The following GMPS variants were observed in gnomAD, a reference collection of about 807,000 sequenced individuals.
GMPS encodes guanosine monophosphate synthase, also known as GMP synthase [glutamine-hydrolyzing].
A neutral mutation model predicts 77.9 loss-of-function variants in GMPS; 15 were observed. That is an observed-to-expected ratio of 0.19 (90% CI 0.13 to 0.30). The LOEUF (loss-of-function observed/expected upper bound fraction) is 0.30, where lower values mean the gene tolerates loss of function less well. Among genes scored for constraint, GMPS ranks in the 10% least tolerant of loss-of-function variants. GMPS has a pLI of 1.00. For missense variants in GMPS, 590 were observed against 838.8 expected (o/e 0.70, Z 3.66); for synonymous variants, 224 against 275.9 (o/e 0.81, Z 1.86).
intron 1 of GMPS, among the ~76,000 whole-genome samples, chr3:155,883,470 A>T (rs1754256650): frequency 6.6e-6 from 1 of 152,226 alleles, no homozygotes; most frequent in African/African-American, 2.4e-5. Context: ...TCACAAATTC[A>T]GTATATTTAG....
chr3:155,924,131 G>A (rs1246557492), intron 11 of GMPS, among the ~76,000 whole-genome samples: 3 of 152,098 alleles, frequency 2.0e-5, no homozygotes, highest in Non-Finnish European at 2.9e-5. Context: ...CACCCGCCTC[G>A]GCCTCCCAAA....
chr3:155,884,788 G>T (rs904491147), intron 1 of GMPS, among the ~76,000 whole-genome samples: 1 of 152,226 alleles, frequency 6.6e-6, no homozygotes, highest in African/African-American at 2.4e-5. Flanking sequence ...TAGGGTATGT[G>T]TATGGGGTTC....
intron 4 of GMPS, among the ~76,000 whole-genome samples, chr3:155,904,894 C>CT (rs1754833100): frequency 1.3e-5 from 2 of 152,118 alleles, no homozygotes; most frequent in African/African-American, 4.8e-5. Flanking sequence ...TATACTATTC[C>CT]TAAACAACAA....
intron 7 of GMPS, 120 bp from the exon 8 acceptor site, chr3:155,914,299 G>C: frequency 1.6e-6 from 1 of 644,848 alleles, no homozygotes; most frequent in Non-Finnish European, 2.4e-6. Flanking sequence ...ATTTAGGGGA[G>C]ATCAAAGGAC....
chr3:155,901,258 T>C (rs191234138), intron 3 of GMPS, among the ~76,000 whole-genome samples: 6 of 152,312 alleles, frequency 3.9e-5, no homozygotes, highest in Admixed American at 2.0e-4. Flanking sequence ...TTTTGCCGAT[T>C]GACCTATATA....
intron 1 of GMPS, among the ~76,000 whole-genome samples, chr3:155,873,737 C>G (rs148637526): frequency 6.6e-6 from 1 of 150,450 alleles, no homozygotes; most frequent in African/African-American, 2.5e-5. Flanking sequence ...TAGGTTCACG[C>G]AGTTCTCCTG....
intron 1 of GMPS, among the ~76,000 whole-genome samples, chr3:155,886,370 T>C (rs1022421735): frequency 6.6e-6 from 1 of 150,538 alleles, no homozygotes; most frequent in Non-Finnish European, 1.5e-5. Context: ...GGTCAGGTGT[T>C]TGAGACCAGC....
At chr3:155,894,518 C>G (rs963753343) in intron 2 of GMPS, among the ~76,000 whole-genome samples, 1 of 152,214 alleles carries the variant, frequency 6.6e-6, no homozygotes, top group East Asian at 1.9e-4. Flanking sequence ...GCCACCGTGC[C>G]CGGCCAGTGT....
At chr3:155,912,430 T>C (rs1755066369) in intron 7 of GMPS, among the ~76,000 whole-genome samples, 1 of 152,136 alleles carries the variant, frequency 6.6e-6, no homozygotes. Flanking sequence ...TGGTGATAGG[T>C]TTTTGTGAAA....
chr3:155,916,234 A>G (rs1755177003), intron 9 of GMPS, 42 bp downstream of exon 9: 2 of 1,257,882 alleles, frequency 1.6e-6, no homozygotes, highest in Non-Finnish European at 2.3e-6. Context: ...AGATACATGG[A>G]AAGTCTTCCA....
chr3:155,885,212 G>A (rs1754308998), intron 1 of GMPS, among the ~76,000 whole-genome samples: 1 of 152,202 alleles, frequency 6.6e-6, no homozygotes. Flanking sequence ...ACATATGTCA[G>A]TAGAGACTTG....
At chr3:155,912,314 A>G (rs1216532042) in intron 7 of GMPS, among the ~76,000 whole-genome samples, 1 of 152,224 alleles carries the variant, frequency 6.6e-6, no homozygotes, top group Non-Finnish European at 1.5e-5. Context: ...TGGTTTCAAT[A>G]AAGTGTTGGA....
chr3:155,935,547 G>A (rs942949519), intron 14 of GMPS, among the ~76,000 whole-genome samples: 3 of 152,154 alleles, frequency 2.0e-5, no homozygotes, highest in African/African-American at 7.2e-5. Flanking sequence ...GTGGCCATTT[G>A]TGGACATGCA....
At chr3:155,891,975 A>G (rs1754482041) in intron 1 of GMPS, among the ~76,000 whole-genome samples, 1 of 152,108 alleles carries the variant, frequency 6.6e-6, no homozygotes, top group South Asian at 2.1e-4. Context: ...TTTTGCAGAT[A>G]AATGGAGAAG....
chr3:155,875,188 G>T (rs1288793434), intron 1 of GMPS, among the ~76,000 whole-genome samples: 2 of 151,530 alleles, frequency 1.3e-5, no homozygotes, highest in East Asian at 1.9e-4. Flanking sequence ...AAAGTCGTGG[G>T]ATTACAAGTG....
At chr3:155,902,002 A>C (rs1754747651) in intron 3 of GMPS, among the ~76,000 whole-genome samples, 1 of 152,156 alleles carries the variant, frequency 6.6e-6, no homozygotes. Flanking sequence ...CTCCCTTCCC[A>C]ATCTAAAACT....
intron 10 of GMPS, among the ~76,000 whole-genome samples, chr3:155,920,574 T>TAAA (rs145651357): frequency 9.1e-6 from 1 of 109,738 alleles, no homozygotes; most frequent in Non-Finnish European, 1.8e-5. Flanking sequence ...GACTCCATCT[T>TAAA]AAAAAAAAAA....
chr3:155,906,540 T>A (rs2108095214), intron 5 of GMPS, among the ~76,000 whole-genome samples: 1 of 152,328 alleles, frequency 6.6e-6, no homozygotes, highest in South Asian at 2.1e-4. Context: ...CATAAAACAC[T>A]ATACTTTTGT....
chr3:155,934,258 C>CA (rs1368187945), intron 13 of GMPS, among the ~76,000 whole-genome samples: 1 of 152,126 alleles, frequency 6.6e-6, no homozygotes, highest in African/African-American at 2.4e-5. Flanking sequence ...AACAAATCAC[C>CA]ACAAACTAGG....
Sources: allele counts gnomAD v4.1 joint callset (sites outside exome capture counted in the v4.1 genomes callset), GRCh38; gene constraint gnomAD v4.1.1; transcripts MANE v1.5; gene names NCBI Gene and HGNC (gene_info 2026-07-23, HGNC 2026-07-21).